Variants in PCDH15 observed in about 807,000 individuals in gnomAD.
PCDH15 encodes protocadherin-15.
PCDH15 carries 129 observed loss-of-function variants against 178.5 expected under a neutral mutation model. That is an observed-to-expected ratio of 0.72 (90% CI 0.63 to 0.84). The LOEUF is 0.84. Ranked by LOEUF, PCDH15 falls within the 40% of genes least tolerant of loss-of-function variation. PCDH15 has a pLI of 0.00. For synonymous variants in PCDH15, 800 were observed against 732.0 expected (o/e 1.09, Z -1.50); for missense variants, 2,230 against 2,099.9 (o/e 1.06, Z -1.21).
rs372364277 is a variant in PCDH15 at position 54,110,064 on chromosome 10, G to C, written c.1918-20001C>G. ...TGGGGTATGGTATTTGTGGCATGTA[G>C]TGTGAAGTGTTGGACTTTGAACTTG... On this transcript the variant is annotated intron_variant, in intron 15 of 37. Transcript: ENST00000644397. Among the ~76,000 whole-genome samples, 82 of 152,228 alleles carry C rather than the reference G, an allele frequency of 5.4e-4. 1 individual carries two copies. The South Asian group carries it at 0.015, about 28-fold the overall frequency.
chr10:54,875,526 G>C (rs1292083169), intron 3 of PCDH15, among the ~76,000 whole-genome samples: 4 of 152,216 alleles, frequency 2.6e-5, no homozygotes, highest in Middle Eastern at 3.4e-3. Context: ...CAAATAGTTA[G>C]CTAACCTGTA....
At chr10:54,789,153 A>G (rs1439296925) in intron 1 of PCDH15, among the ~76,000 whole-genome samples, 2 of 151,944 alleles carry the variant, frequency 1.3e-5, no homozygotes, top group Admixed American at 1.3e-4. Context: ...CCAATATATA[A>G]CATAACATTT....
intron 1 of PCDH15, among the ~76,000 whole-genome samples, chr10:54,675,099 T>C (rs2094758727): frequency 6.6e-6 from 1 of 152,044 alleles, no homozygotes; most frequent in Admixed American, 6.6e-5. Flanking sequence ...GTATGGTACG[T>C]TCATTACTAG....
chr10:53,929,437 T>C (rs148196211), intron 25 of PCDH15, among the ~76,000 whole-genome samples: 1,742 of 152,278 alleles, frequency 0.011, 38 homozygotes, highest in African/African-American at 0.04. Context: ...TTTAAAGTAA[T>C]ACATTATTAA....
chr10:55,238,000 T>C (rs1025809889), intron 1 of PCDH15, among the ~76,000 whole-genome samples: 3 of 152,050 alleles, frequency 2.0e-5, no homozygotes, highest in Non-Finnish European at 2.9e-5. Context: ...TCAAGTCTTT[T>C]TATCATTTGA....
At chr10:54,233,862 A>G (rs113109062) in intron 9 of PCDH15, among the ~76,000 whole-genome samples, 3,643 of 152,258 alleles carry the variant, frequency 0.024, 133 homozygotes, top group African/African-American at 0.082. Context: ...TGGCTAGTCA[A>G]TAATTCTGCC....
chr10:55,170,991 T>A (rs1481026014), intron 1 of PCDH15, among the ~76,000 whole-genome samples: 2 of 152,210 alleles, frequency 1.3e-5, no homozygotes, highest in Admixed American at 1.3e-4. Context: ...TCTCCTACAT[T>A]TCTGGTTCCT....
chr10:54,189,095 G>T (rs1232055894), intron 11 of PCDH15, among the ~76,000 whole-genome samples: 2 of 151,846 alleles, frequency 1.3e-5, no homozygotes, highest in Non-Finnish European at 2.9e-5. Flanking sequence ...CTTTGCCTCA[G>T]TTGACAATTA....
intron 2 of PCDH15, among the ~76,000 whole-genome samples, chr10:55,009,253 T>TGTGG (rs1197032801): frequency 6.7e-6 from 1 of 149,586 alleles, no homozygotes; most frequent in African/African-American, 2.5e-5. Flanking sequence ...CGCACAGATG[T>TGTGG]GTGTGTGTGT....
At chr10:54,728,666 C>T (rs936006385) in intron 1 of PCDH15, among the ~76,000 whole-genome samples, 2 of 151,152 alleles carry the variant, frequency 1.3e-5, no homozygotes, top group Non-Finnish European at 3.0e-5. Flanking sequence ...CAATGGGATT[C>T]TATGCCTAGA....
At chr10:54,349,016 T>C (rs1185888574) in intron 5 of PCDH15, among the ~76,000 whole-genome samples, 3 of 152,352 alleles carry the variant, frequency 2.0e-5, no homozygotes, top group African/African-American at 7.2e-5. Flanking sequence ...TTGGATGACA[T>C]TGATTTGTTT....
chr10:53,849,021 G>T (rs1005986309), intron 28 of PCDH15, among the ~76,000 whole-genome samples: 2 of 151,982 alleles, frequency 1.3e-5, no homozygotes, highest in Admixed American at 1.3e-4. Flanking sequence ...ATAGCTCAAA[G>T]ATTTTAAACT....
At chr10:55,091,937 C>T (rs1564790845) in intron 2 of PCDH15, among the ~76,000 whole-genome samples, 1 of 151,676 alleles carries the variant, frequency 6.6e-6, no homozygotes, top group Non-Finnish European at 1.5e-5. Flanking sequence ...ATGCCAGAAA[C>T]TGTGGGTAAA....
chr10:54,871,100 C>CA (rs1954031471), intron 3 of PCDH15, among the ~76,000 whole-genome samples: 2 of 152,066 alleles, frequency 1.3e-5, no homozygotes, highest in Non-Finnish European at 2.9e-5. Flanking sequence ...CATCTGTCAC[C>CA]AACTACATTG....
intron 2 of PCDH15, among the ~76,000 whole-genome samples, chr10:55,065,030 A>G (rs1418789287): frequency 6.6e-6 from 1 of 152,066 alleles, no homozygotes; most frequent in African/African-American, 2.4e-5. Context: ...GAAAGATGAA[A>G]ATATTCAGCC....
Position 54,356,437 on chromosome 10 carries a change from T to C in PCDH15, c.475-9953A>G, listed in dbSNP as rs370330526. Among the ~76,000 whole-genome samples, 13 of 152,048 alleles carry C rather than the reference T, an allele frequency of 8.5e-5. No homozygotes were observed. In the East Asian group the frequency reaches 1.7e-3, roughly 20 times the overall value. On this transcript the variant is annotated intron_variant, in intron 5 of 37. Coordinates refer to ENST00000644397, the MANE Select transcript of PCDH15 (RefSeq NM_001384140.1). The stretch of plus-strand genomic sequence containing the variant: ...ATAAAGTAGTAAGGGCTGAAGAAGT[T>C]TCATATTTTCAACTTAATTTTCATT...
Position 55,475,744 on chromosome 10 carries a change from A to G in PCDH15, c.-156+151881T>C, listed in dbSNP as rs955675264. On this transcript the variant is annotated intron_variant, in intron 2 of 5. Transcript: ENST00000613346. Reference sequence around the variant, plus strand: ...ATGTATATGCAAATATGCCAAATTAAAAAAGAAAATCAAAATTCAAAACAC... The same window carrying G: ...ATGTATATGCAAATATGCCAAATTAGAAAAGAAAATCAAAATTCAAAACAC... 3.9e-5 allele frequency among the ~76,000 whole-genome samples: 6 copies of G among 152,276 alleles called. No homozygotes were observed. The East Asian group carries it at 1.2e-3, about 29-fold the overall frequency.
chr10:54,157,628 T>C (rs966059404), intron 13 of PCDH15, among the ~76,000 whole-genome samples: 1 of 152,232 alleles, frequency 6.6e-6, no homozygotes, highest in Non-Finnish European at 1.5e-5. Context: ...GGATTAACAT[T>C]CAGCTTCTTG....
chr10:55,280,444 A>ATTTTTTTTTTT (rs1170034467), intron 1 of PCDH15, among the ~76,000 whole-genome samples: 2 of 92,058 alleles, frequency 2.2e-5, no homozygotes, highest in African/African-American at 8.6e-5. Context: ...GCACCCAGCT[A>ATTTTTTTTTTT]TTTTTTTTTT....
Sources: allele counts gnomAD v4.1 joint callset (sites outside exome capture counted in the v4.1 genomes callset), GRCh38; gene constraint gnomAD v4.1.1; transcripts MANE v1.5; gene names NCBI Gene and HGNC (gene_info 2026-07-23, HGNC 2026-07-21).